Variants in DSCAM observed in about 807,000 individuals in gnomAD.
The protein encoded by DSCAM is DS cell adhesion molecule.
A neutral mutation model predicts 217.7 loss-of-function variants in DSCAM; 47 were observed. The observed-to-expected ratio is 0.22, with a 90% CI of 0.17 to 0.28. The LOEUF is 0.28. DSCAM is among the 10% of genes least tolerant of loss of function. DSCAM has a pLI of 1.00. For synonymous variants in DSCAM, 1,056 were observed against 1,015.3 expected, an observed-to-expected ratio of 1.04 and a Z score of -0.76; for missense variants, 2,080 against 2,618.3, an observed-to-expected ratio of 0.79 and a Z score of 4.49.
intron 3 of DSCAM, among the ~76,000 whole-genome samples, chr21:40,426,782 G>T (rs1336704283): frequency 6.6e-6 from 1 of 152,078 alleles, no homozygotes; most frequent in Non-Finnish European, 1.5e-5. Context: ...CAATGGGAAT[G>T]GTGTCATTTG....
chr21:40,192,534 G>C (rs567719660), intron 11 of DSCAM, among the ~76,000 whole-genome samples: 1 of 152,220 alleles, frequency 6.6e-6, no homozygotes, highest in Non-Finnish European at 1.5e-5. Flanking sequence ...TTCCCTAGTC[G>C]CATAGGACTG....
Position 40,013,132 on chromosome 21 carries a change from G to A in DSCAM, c.5941C>T (p.Gln1981Ter). The A allele has an allele frequency of 6.2e-7, 1 of 1,612,272 alleles. No individual in the cohort carries two copies. The highest frequency in any genetic ancestry group is 8.5e-7 in the Non-Finnish European group (1 of 1,178,882). The change falls in exon 33 of 33, where the codon CAG becomes TAG. Residue 1981 changes from glutamine (Q) to a stop codon, truncating the protein, a stop_gained. Transcript: ENST00000400454. LOFTEE classifies it high-confidence loss of function. ...TGGGAGCTGCTCATTTTAGCTGCCT[G>A]TCCCAGCTCTGCTCCCTCCCGCTGA... ...LPQREGAELG[Q>*]AAKMSSSQES...
Position 40,516,888 on chromosome 21 carries a change from C to CATATATATATAT in DSCAM, c.509-147655_509-147644dup, listed in dbSNP as rs55695954. 2.3e-3 allele frequency among the ~76,000 whole-genome samples: 323 copies of CATATATATATAT among 143,468 alleles called. 1 individual carries two copies. Among genetic ancestry groups the CATATATATATAT allele is most frequent in the African/African-American group, 7.1e-3 (281 of 39,356 alleles). The allele number at this position is 143,468 out of a possible 152,430, so 94.1% of individuals were successfully genotyped here. A position where few individuals can be genotyped will look rare whatever the true frequency, so the allele number is the denominator to read the frequency against. ...TACACACACATGCGCACACACACAC[C>CATATATATATAT]ATATATATATATATATATACACACA... is the stretch of plus-strand genomic sequence containing the variant. On this transcript the variant is annotated intron_variant, in intron 3 of 32. Coordinates refer to ENST00000400454, the MANE Select transcript of DSCAM (RefSeq NM_001389.5).
chr21:40,446,843 C>T (rs2075679034), intron 3 of DSCAM, among the ~76,000 whole-genome samples: 1 of 152,262 alleles, frequency 6.6e-6, no homozygotes, highest in African/African-American at 2.4e-5. Context: ...AAATATAAAT[C>T]CCTATGACTT....
Position 40,339,258 on chromosome 21 carries a change from G to C in DSCAM, c.1368C>G (p.Ser456Arg). The C allele has an allele frequency of 1.2e-6, 2 of 1,614,182 alleles. No individual in the cohort carries two copies. Among genetic ancestry groups the C allele is most frequent in the Non-Finnish European group, 1.7e-6 (2 of 1,180,042 alleles). Residue 456 changes from serine to arginine, a missense_variant, in exon 7 of 33, where the codon AGC (serine) becomes AGG (arginine). Ser to Arg is a moderately radical substitution (Grantham distance 110). Around this residue, in one of 5 missense-constraint regions of DSCAM, gnomAD observed 568 missense variants for 678.1 expected, o/e 0.84. Coordinates refer to ENST00000400454, the MANE Select transcript of DSCAM (RefSeq NM_001389.5). ...PILKGGSHRI[S>R]QMITSEGNVV... Reference sequence around the variant, plus strand: ...CGTTCCCCTCCGACGTGATCATCTGGCTGATGCGGTGACTGCCACCCTTGA... The same window carrying C: ...CGTTCCCCTCCGACGTGATCATCTGCCTGATGCGGTGACTGCCACCCTTGA...
intron 11 of DSCAM, among the ~76,000 whole-genome samples, chr21:40,232,547 C>T (rs2091391443): frequency 6.6e-6 from 1 of 152,138 alleles, no homozygotes; most frequent in African/African-American, 2.4e-5. Context: ...GCCCGGAAAG[C>T]TACTGCCCAA....
intron 3 of DSCAM, chr21:40,383,916 T>G (rs1412364616): frequency 6.6e-6 from 1 of 152,218 alleles, no homozygotes; most frequent in Non-Finnish European, 1.5e-5. Flanking sequence ...GACAAAGATT[T>G]GAGAAGTACT....
chr21:40,713,516 C>T (rs2090806071), intron 1 of DSCAM, among the ~76,000 whole-genome samples: 1 of 152,142 alleles, frequency 6.6e-6, no homozygotes, highest in East Asian at 1.9e-4. Context: ...CCTTAGAGTG[C>T]ACATGGCAAA....
chr21:40,229,452 C>A (rs1454290410), intron 11 of DSCAM, among the ~76,000 whole-genome samples: 1 of 152,190 alleles, frequency 6.6e-6, no homozygotes, highest in Non-Finnish European at 1.5e-5. Context: ...TTCATGGTTG[C>A]ATTATCATAC....
intron 1 of DSCAM, among the ~76,000 whole-genome samples, chr21:40,725,618 G>A (rs1041752850): frequency 6.6e-6 from 1 of 152,240 alleles, no homozygotes; most frequent in African/African-American, 2.4e-5. Context: ...ACACAGCACT[G>A]AGTGTATGGA....
chr21:40,375,633 G>A (rs1982320774), intron 3 of DSCAM, among the ~76,000 whole-genome samples: 3 of 152,128 alleles, frequency 2.0e-5, no homozygotes, highest in Admixed American at 2.0e-4. Context: ...GCATGAGATT[G>A]GTTTAACATT....
At chr21:40,271,289 C>A (rs572645568) in intron 11 of DSCAM, among the ~76,000 whole-genome samples, 29 of 152,336 alleles carry the variant, frequency 1.9e-4, no homozygotes, top group Non-Finnish European at 4.1e-4. Flanking sequence ...GAGTAACTGA[C>A]TCTCCAGGGA....
chr21:40,653,117 T>C (rs1470631185), intron 3 of DSCAM, among the ~76,000 whole-genome samples: 1 of 152,208 alleles, frequency 6.6e-6, no homozygotes, highest in Non-Finnish European at 1.5e-5. Flanking sequence ...TCCTATGCAC[T>C]TTTTCCTTTG....
At chr21:40,314,650 T>C (rs1232094374) in intron 8 of DSCAM, among the ~76,000 whole-genome samples, 1 of 152,208 alleles carries the variant, frequency 6.6e-6, no homozygotes, top group Admixed American at 6.5e-5. Context: ...AGAAAATAAT[T>C]ACATTTCCTC....
intron 3 of DSCAM, among the ~76,000 whole-genome samples, chr21:40,526,464 G>C (rs1002812763): frequency 2.6e-5 from 4 of 152,150 alleles, no homozygotes; most frequent in Non-Finnish European, 2.9e-5. Flanking sequence ...AACTGACACA[G>C]GTGCTGCAAT....
intron 32 of DSCAM, among the ~76,000 whole-genome samples, chr21:40,032,733 T>G (rs2088551334): frequency 6.6e-6 from 1 of 152,198 alleles, no homozygotes; most frequent in South Asian, 2.1e-4. Flanking sequence ...AAGTCTGGTC[T>G]CTGTGTTTTT....
At chr21:40,503,849 G>A (rs1461622975) in intron 3 of DSCAM, among the ~76,000 whole-genome samples, 1 of 152,178 alleles carries the variant, frequency 6.6e-6, no homozygotes, top group Non-Finnish European at 1.5e-5. Flanking sequence ...ACTTGGAACC[G>A]TATTTGACCT....
At chr21:40,460,855 A>G (rs952891819) in intron 3 of DSCAM, among the ~76,000 whole-genome samples, 1 of 152,242 alleles carries the variant, frequency 6.6e-6, no homozygotes, top group Non-Finnish European at 1.5e-5. Flanking sequence ...ACTGATGGAA[A>G]TGAAAATGGA....
At chr21:40,825,002 T>TAC (rs2091956903) in intron 1 of DSCAM, among the ~76,000 whole-genome samples, 1 of 152,254 alleles carries the variant, frequency 6.6e-6, no homozygotes, top group Admixed American at 6.5e-5. Flanking sequence ...CATTATTGGG[T>TAC]ACACCCTTTT....
Sources: gnomAD v4.1 joint callset for allele counts (sites outside exome capture counted in the v4.1 genomes callset) on GRCh38, gnomAD v4.1.1 for gene constraint, gnomAD v4.1.1 regional missense constraint, MANE v1.5 for transcripts, NCBI Gene and HGNC (gene_info 2026-07-23, HGNC 2026-07-21) for gene names.